The following AKT3 variants were observed in gnomAD, a reference collection of about 807,000 sequenced individuals.
The protein encoded by AKT3 is AKT serine/threonine kinase 3.
In AKT3, 15 loss-of-function variants were observed where a neutral mutation model predicts 65.3. That is an observed-to-expected ratio of 0.23 (90% CI 0.15 to 0.35). The LOEUF is 0.35. Ranked by LOEUF, AKT3 falls within the 10% of genes least tolerant of loss-of-function variation. The probability of loss-of-function intolerance (pLI) is 1.00; values close to 1 mark genes in which losing one functional copy is unlikely to be tolerated. For missense variants in AKT3, 243 were observed against 576.5 expected (o/e 0.42, Z 5.92); for synonymous variants, 206 against 183.8 (o/e 1.12, Z -0.98).
At chr1:243,806,330 T>C (rs768815044) in intron 2 of AKT3, among the ~76,000 whole-genome samples, 1 of 151,846 alleles carries the variant, frequency 6.6e-6, no homozygotes, top group Non-Finnish European at 1.5e-5. Flanking sequence ...TATAACATGA[T>C]AGGCATGTAC....
intron 13 of AKT3, chr1:243,489,141 G>A: frequency 6.2e-7 from 1 of 1,612,118 alleles, no homozygotes; most frequent in Non-Finnish European, 8.5e-7. Flanking sequence ...GCGGACCCAG[G>A]TACTGTGCAG....
intron 3 of AKT3, among the ~76,000 whole-genome samples, chr1:243,665,717 C>T (rs1682721064): frequency 6.6e-6 from 1 of 152,180 alleles, no homozygotes; most frequent in Non-Finnish European, 1.5e-5. Flanking sequence ...ATAAGTTCAT[C>T]TAATATTAGC....
intron 5 of AKT3, among the ~76,000 whole-genome samples, chr1:243,638,659 A>G (rs1481031581): frequency 6.6e-6 from 1 of 152,194 alleles, no homozygotes; most frequent in African/African-American, 2.4e-5. Context: ...ATTTAAACTC[A>G]GTTTAGAGGT....
At chr1:243,721,485 G>C (rs765837904) in intron 2 of AKT3, among the ~76,000 whole-genome samples, 5 of 152,094 alleles carry the variant, frequency 3.3e-5, no homozygotes, top group African/African-American at 1.2e-4. Context: ...CACTCTGAAG[G>C]CTCCTGTGTC....
intron 2 of AKT3, among the ~76,000 whole-genome samples, chr1:243,815,794 T>TGTTGTTGTTGTTGTTGTTGTTGTTGTA (rs1176525187): frequency 6.6e-6 from 1 of 151,678 alleles, no homozygotes; most frequent in African/African-American, 2.4e-5. Flanking sequence ...TTGTTGTTGT[T>TGTTGTTGTTGTTGTTGTTGTTGTTGTA]GTTGTAGAGA....
chr1:243,645,213 A>T (rs1167625032), intron 5 of AKT3, among the ~76,000 whole-genome samples: 1 of 152,226 alleles, frequency 6.6e-6, no homozygotes, highest in Non-Finnish European at 1.5e-5. Flanking sequence ...TATTAAATCA[A>T]ACATATTCTA....
At chr1:243,653,981 C>A (rs1388880274) in intron 4 of AKT3, among the ~76,000 whole-genome samples, 1 of 151,878 alleles carries the variant, frequency 6.6e-6, no homozygotes, top group Non-Finnish European at 1.5e-5. Flanking sequence ...TTTCAGAATT[C>A]CATTTTAATT....
intron 12 of AKT3, among the ~76,000 whole-genome samples, chr1:243,539,204 G>A (rs1672126276): frequency 6.6e-6 from 1 of 152,022 alleles, no homozygotes; most frequent in East Asian, 1.9e-4. Context: ...AGACAGCCAA[G>A]TCCAATCCCT....
chr1:243,495,260 C>T (rs1440800396), downstream of AKT3, among the ~76,000 whole-genome samples: 1 of 152,184 alleles, frequency 6.6e-6, no homozygotes, highest in Non-Finnish European at 1.5e-5. Context: ...CCTCCCTCTC[C>T]CCGCCAAGTC....
rs758066333 is a variant in AKT3, at chr1:243,637,622, T to C, written c.550A>G (p.Ile184Val). 7 of 1,595,686 alleles carry C rather than the reference T, an allele frequency of 4.4e-6. No homozygotes were observed. The highest frequency in any genetic ancestry group is 6.0e-6 in the Non-Finnish European group (7 of 1,172,458). ...AATAAATCAGTTACCTTTGCAATAATGACTTCTTTCTTCAGAATCTTCATA... is the reference window on the plus strand; with the variant it reads ...AATAAATCAGTTACCTTTGCAATAACGACTTCTTTCTTCAGAATCTTCATA... ...YAMKILKKEV[I>V]IAKDEVAHTL... is the part of the protein sequence containing the mutation. The change falls in exon 6 of 14, where the codon ATT becomes GTT. Residue 184 changes from isoleucine (I) to valine (V), a missense_variant. Ile to Val is a conservative substitution (Grantham distance 29). Coordinates refer to ENST00000673466, the MANE Select transcript of AKT3 (RefSeq NM_005465.7).
At chr1:243,595,291 A>G (rs898404971) in intron 8 of AKT3, among the ~76,000 whole-genome samples, 1 of 152,192 alleles carries the variant, frequency 6.6e-6, no homozygotes, top group African/African-American at 2.4e-5. Flanking sequence ...TAAAAACGAT[A>G]TACCTGTCTA....
chr1:243,715,591 G>A (rs888601313), intron 2 of AKT3, among the ~76,000 whole-genome samples: 2 of 151,904 alleles, frequency 1.3e-5, no homozygotes, highest in Non-Finnish European at 2.9e-5. Context: ...AACAAAAAAT[G>A]GGATCATTCT....
chr1:243,523,003 T>G (rs965441418), intron 12 of AKT3, among the ~76,000 whole-genome samples: 2 of 151,838 alleles, frequency 1.3e-5, no homozygotes, highest in African/African-American at 2.4e-5. Flanking sequence ...GGTTGGGGGA[T>G]GAACTTGTGG....
In AKT3 at chr1:243,503,890, C is replaced by T; in HGVS notation, c.*1359G>A. On this transcript the variant is annotated 3_prime_UTR_variant, in exon 14 of 14. Coordinates refer to ENST00000673466, the MANE Select transcript of AKT3 (RefSeq NM_005465.7). Reference sequence around the variant, plus strand: ...ACTCAGGTCTCAATTTTCTTCATTACTTTTTGTTGCCAGGTCATCATAACG... The same window carrying T: ...ACTCAGGTCTCAATTTTCTTCATTATTTTTTGTTGCCAGGTCATCATAACG... 1 of 227,664 alleles carries T rather than the reference C, an allele frequency of 4.4e-6. No individual in the cohort carries two copies. The highest frequency in any genetic ancestry group is 1.3e-3 in the Middle Eastern group (1 of 750). The allele number at this position is 227,664 out of a possible 1,614,324, so 14.1% of individuals were successfully genotyped here. A position where few individuals can be genotyped will look rare whatever the true frequency, so the allele number is the denominator to read the frequency against.
chr1:243,766,828 C>G (rs1274930256), intron 2 of AKT3, among the ~76,000 whole-genome samples: 1 of 152,052 alleles, frequency 6.6e-6, no homozygotes, highest in Admixed American at 6.6e-5. Flanking sequence ...GATAATAGCA[C>G]GTGCACAGGG....
chr1:243,647,762 C>T (rs1167600264), intron 4 of AKT3, among the ~76,000 whole-genome samples: 1 of 152,076 alleles, frequency 6.6e-6, no homozygotes. Context: ...CTTTATTGCC[C>T]TAGATCAGAC....
chr1:243,661,327 C>T (rs1682307093), intron 4 of AKT3, among the ~76,000 whole-genome samples: 1 of 152,164 alleles, frequency 6.6e-6, no homozygotes, highest in African/African-American at 2.4e-5. Flanking sequence ...GCTACAGTAA[C>T]CAAAACAGCA....
At position 243,558,317 on chromosome 1, in the gene AKT3, C is replaced by A. The variant is rs530908236; in HGVS notation, c.949-5374G>T. Among the ~76,000 whole-genome samples, 6 of 151,980 alleles carry A rather than the reference C, an allele frequency of 3.9e-5. No individual in the cohort carries two copies. The East Asian group carries it at 1.2e-3, about 29-fold the overall frequency. ...AATTAATCTCCATGTGTACTATGAG[C>A]TAACACAATGACTTTGAGCAAATCT... On this transcript the variant is annotated intron_variant, in intron 10 of 13. Coordinates refer to ENST00000673466, the MANE Select transcript of AKT3 (RefSeq NM_005465.7).
chr1:243,655,880 G>A (rs545926612), intron 4 of AKT3, among the ~76,000 whole-genome samples: 1 of 152,178 alleles, frequency 6.6e-6, no homozygotes, highest in South Asian at 2.1e-4. Context: ...TAACCCAAAA[G>A]GAAAAGTAGG....
Sources: gnomAD v4.1 joint callset for allele counts (sites outside exome capture counted in the v4.1 genomes callset) on GRCh38, gnomAD v4.1.1 for gene constraint, MANE v1.5 for transcripts, NCBI Gene and HGNC (gene_info 2026-07-23, HGNC 2026-07-21) for gene names.